Variants in DACH1 observed in about 807,000 individuals in gnomAD.
DACH1 encodes dachshund family transcription factor 1, also known as dachshund homolog 1.
Under a neutral mutation model 54.2 loss-of-function variants are expected in DACH1, and 12 were observed. That is an observed-to-expected ratio of 0.22 (90% CI 0.14 to 0.36). The LOEUF (loss-of-function observed/expected upper bound fraction) is 0.36. Among genes scored for constraint, DACH1 ranks in the 10% least tolerant of loss-of-function variants. DACH1 has a pLI of 1.00. For synonymous variants in DACH1, 386 were observed against 366.2 expected (o/e 1.05, Z -0.62); for missense variants, 805 against 929.8 (o/e 0.87, Z 1.75).
rs531104551 is a variant in DACH1, at chr13:71,689,490, T to C, written c.849-7580A>G. Among the ~76,000 whole-genome samples, 33 of 152,208 alleles carry C rather than the reference T, an allele frequency of 2.2e-4. 1 individual carries two copies. The South Asian group carries it at 6.2e-3, about 29-fold the overall frequency. ...TTCACCATTATCAAAAAAATTAATA[T>C]CAGTAAACTAAAAGCATCGTTAACA... is the stretch of plus-strand genomic sequence containing the variant. On this transcript the variant is annotated intron_variant, in intron 1 of 10. Transcript: ENST00000613252.
intron 1 of DACH1, among the ~76,000 whole-genome samples, chr13:71,798,747 C>T (rs1027229739): frequency 6.6e-6 from 1 of 152,044 alleles, no homozygotes; most frequent in African/African-American, 2.4e-5. Flanking sequence ...ATATTAAATG[C>T]TTCATGCTTA....
chr13:71,716,656 A>G (rs1436642686), intron 1 of DACH1, among the ~76,000 whole-genome samples: 1 of 152,088 alleles, frequency 6.6e-6, no homozygotes, highest in Non-Finnish European at 1.5e-5. Flanking sequence ...TTCTATTAAC[A>G]TAATAATTTA....
chr13:71,649,316 T>C (rs1018869003), intron 2 of DACH1, among the ~76,000 whole-genome samples: 1 of 152,138 alleles, frequency 6.6e-6, no homozygotes, highest in African/African-American at 2.4e-5. Context: ...TTTCTCAGAA[T>C]GTATCTTCGT....
chr13:71,832,509 A>G (rs1206592493), intron 1 of DACH1, among the ~76,000 whole-genome samples: 1 of 152,020 alleles, frequency 6.6e-6, no homozygotes, highest in African/African-American at 2.4e-5. Flanking sequence ...TTTTCATAAA[A>G]TAAGTTGCAA....
intron 1 of DACH1, among the ~76,000 whole-genome samples, chr13:71,753,025 G>A (rs1255058852): frequency 6.6e-6 from 1 of 152,138 alleles, no homozygotes; most frequent in Non-Finnish European, 1.5e-5. Flanking sequence ...AGCCAGAGAA[G>A]AGTTAAACCT....
intron 1 of DACH1, among the ~76,000 whole-genome samples, chr13:71,835,131 G>C (rs1888735696): frequency 6.6e-6 from 1 of 151,996 alleles, no homozygotes; most frequent in African/African-American, 2.4e-5. Context: ...TGTTGGCTCA[G>C]AGAGTCACAA....
intron 3 of DACH1, among the ~76,000 whole-genome samples, chr13:71,598,247 T>C (rs1308455742): frequency 6.6e-6 from 1 of 152,078 alleles, no homozygotes; most frequent in Non-Finnish European, 1.5e-5. Context: ...AATGTTGCAA[T>C]TTAAAATTTA....
intron 6 of DACH1, among the ~76,000 whole-genome samples, chr13:71,526,053 T>A (rs1465533498): frequency 6.6e-6 from 1 of 152,118 alleles, no homozygotes; most frequent in Non-Finnish European, 1.5e-5. Flanking sequence ...AGGGCAAAAA[T>A]ATTGCTTTAT....
chr13:71,770,853 C>T (rs1186824404), intron 1 of DACH1, among the ~76,000 whole-genome samples: 1 of 151,500 alleles, frequency 6.6e-6, no homozygotes, highest in Non-Finnish European at 1.5e-5. Flanking sequence ...CCCTCCAGTG[C>T]AATACTGATC....
At chr13:71,840,975 T>A (rs545465332) in intron 1 of DACH1, among the ~76,000 whole-genome samples, 22 of 152,272 alleles carry the variant, frequency 1.4e-4, no homozygotes, top group South Asian at 2.1e-4. Flanking sequence ...GATGATACAG[T>A]TGTTTTACCA....
At chr13:71,777,035 C>G (rs1312854422) in intron 1 of DACH1, among the ~76,000 whole-genome samples, 2 of 152,160 alleles carry the variant, frequency 1.3e-5, no homozygotes, top group Non-Finnish European at 2.9e-5. Flanking sequence ...CCAAATTATG[C>G]TATCTATTCT....
intron 2 of DACH1, among the ~76,000 whole-genome samples, chr13:71,680,187 C>T (rs17088390): frequency 0.26 from 39,747 of 152,002 alleles, 12,510 homozygotes; most frequent in African/African-American, 0.75. Context: ...AGTAAAATGA[C>T]GATAGTTGCC....
chr13:71,556,920 C>T (rs1034542912), intron 6 of DACH1, 104 bp downstream of exon 6: 2 of 1,186,620 alleles, frequency 1.7e-6, no homozygotes, highest in Admixed American at 2.9e-5. Flanking sequence ...CATTTATATG[C>T]TTTTTTTTTA....
At chr13:71,725,027 C>A (rs191192167) in intron 1 of DACH1, among the ~76,000 whole-genome samples, 1 of 151,676 alleles carries the variant, frequency 6.6e-6, no homozygotes, top group Non-Finnish European at 1.5e-5. Flanking sequence ...TGGCAAAAAA[C>A]GGACTTTACA....
chr13:71,748,269 G>A (rs772592382), intron 1 of DACH1, among the ~76,000 whole-genome samples: 9 of 152,028 alleles, frequency 5.9e-5, no homozygotes, highest in Non-Finnish European at 5.9e-5. Flanking sequence ...AAAGTGGTAG[G>A]GGACATTATC....
chr13:71,515,588 C>T (rs1459843844), intron 6 of DACH1, among the ~76,000 whole-genome samples: 3 of 151,802 alleles, frequency 2.0e-5, no homozygotes, highest in Non-Finnish European at 4.4e-5. Context: ...TGCAACCCTC[C>T]AACAATATCT....
intron 1 of DACH1, among the ~76,000 whole-genome samples, chr13:71,748,867 TTTCTTTCTTTCTTTCTTTC>T (rs1165122676): frequency 0.016 from 373 of 23,362 alleles, 4 homozygotes; most frequent in Non-Finnish European, 0.04. Flanking sequence ...TCTTTCTTTC[TTTCTTTCTTTCTTTCTTTC>T]TTTCTTTCTT....
intron 10 of DACH1, among the ~76,000 whole-genome samples, chr13:71,468,820 T>G (rs1304676046): frequency 1.3e-5 from 2 of 152,246 alleles, no homozygotes; most frequent in African/African-American, 2.4e-5. Flanking sequence ...CACTTTATTT[T>G]CTTTGCTTAG....
intron 2 of DACH1, among the ~76,000 whole-genome samples, chr13:71,668,795 G>C (rs544245928): frequency 6.2e-4 from 94 of 151,778 alleles, no homozygotes; most frequent in Non-Finnish European, 1.2e-3. Context: ...CATGGTGATG[G>C]GCGCCTGTAA....
Sources: gnomAD v4.1 joint callset for allele counts (sites outside exome capture counted in the v4.1 genomes callset) on GRCh38, gnomAD v4.1.1 for gene constraint, MANE v1.5 for transcripts, NCBI Gene and HGNC (gene_info 2026-07-23, HGNC 2026-07-21) for gene names.